DNAAF9: variants seen among roughly 807,000 people sequenced by gnomAD.
DNAAF9 encodes shulin.
A neutral mutation model predicts 167.0 loss-of-function variants in DNAAF9; 90 were observed. That is an observed-to-expected ratio of 0.54 (90% confidence interval 0.45 to 0.64). The LOEUF (loss-of-function observed/expected upper bound fraction) is 0.64. Among genes scored for constraint, DNAAF9 ranks in the 30% least tolerant of loss-of-function variants. DNAAF9 has a pLI of 0.00. For missense variants in DNAAF9, 1,315 were observed against 1,442.2 expected, an observed-to-expected ratio of 0.91 and a Z score of 1.43; for synonymous variants, 491 against 508.8, an observed-to-expected ratio of 0.96 and a Z score of 0.47.
chr20:3,316,494 C>CA (rs11087576), intron 18 of DNAAF9, among the ~76,000 whole-genome samples: 31,285 of 152,086 alleles, frequency 0.21, 3,516 homozygotes, highest in African/African-American at 0.28. Flanking sequence ...AACAGTGACC[C>CA]ACGTAACTTT....
intron 17 of DNAAF9, among the ~76,000 whole-genome samples, chr20:3,318,008 T>G (rs1047306211): frequency 1.3e-5 from 2 of 152,132 alleles, no homozygotes; most frequent in Non-Finnish European, 2.9e-5. Context: ...TTTTTTTTGC[T>G]CATTTTACTA....
At chr20:3,273,732 T>G (rs571717413) in intron 29 of DNAAF9, among the ~76,000 whole-genome samples, 7 of 152,176 alleles carry the variant, frequency 4.6e-5, no homozygotes, top group Admixed American at 4.6e-4. Flanking sequence ...AACATGAGAT[T>G]TGGAGGGGAC....
intron 7 of DNAAF9, among the ~76,000 whole-genome samples, chr20:3,349,305 C>T (rs1463728823): frequency 6.6e-6 from 1 of 151,756 alleles, no homozygotes; most frequent in Non-Finnish European, 1.5e-5. Context: ...TTGCTTGAGC[C>T]CAAGAGGTCC....
At chr20:3,393,019 T>C (rs2083847202) in intron 1 of DNAAF9, among the ~76,000 whole-genome samples, 1 of 152,178 alleles carries the variant, frequency 6.6e-6, no homozygotes, top group East Asian at 1.9e-4. Context: ...AACAATAAAA[T>C]ATGTCACTGC....
rs760774264 is a variant in DNAAF9, at chr20:3,362,084, AG to A, written c.613-2492del. The A allele has an allele frequency of 2.3e-5, 33 of 1,406,272 alleles. 2 individuals are homozygous for A. In the South Asian group the frequency reaches 3.8e-4, roughly 16 times the overall value. 87.1% of individuals were successfully genotyped at this position (1,406,272 alleles called of 1,614,324 possible). ...TAATTTTTTGTTACAAATATTACAAAGGGGGGTGCTTCTGAGTATTTAGGTC... is the reference window on the plus strand; with the variant it reads ...TAATTTTTTGTTACAAATATTACAAAGGGGGTGCTTCTGAGTATTTAGGTC... On this transcript the variant is annotated intron_variant, in intron 6 of 36. Transcript: ENST00000252032.
intron 21 of DNAAF9, among the ~76,000 whole-genome samples, chr20:3,300,067 TA>T (rs2069156933): frequency 6.6e-6 from 1 of 152,158 alleles, no homozygotes. Context: ...CACACTTGCC[TA>T]ATTTTTGTAT....
At chr20:3,310,029 C>T (rs966175777) in intron 20 of DNAAF9, among the ~76,000 whole-genome samples, 2 of 151,930 alleles carry the variant, frequency 1.3e-5, no homozygotes, top group African/African-American at 4.8e-5. Context: ...CCTACCTCTA[C>T]TAAAAACACA....
intron 31 of DNAAF9, among the ~76,000 whole-genome samples, chr20:3,263,573 C>T (rs1232507803): frequency 1.3e-5 from 2 of 152,216 alleles, no homozygotes; most frequent in Non-Finnish European, 2.9e-5. Flanking sequence ...AAGTCATTAA[C>T]TCTTTGCTGC....
intron 21 of DNAAF9, among the ~76,000 whole-genome samples, chr20:3,303,794 C>G (rs1423048284): frequency 6.6e-6 from 1 of 152,226 alleles, no homozygotes; most frequent in Non-Finnish European, 1.5e-5. Flanking sequence ...TGTGCCTTGG[C>G]CACAGGGTAA....
chr20:3,278,446 C>T (rs1179237370), intron 29 of DNAAF9, among the ~76,000 whole-genome samples: 2 of 152,114 alleles, frequency 1.3e-5, no homozygotes, highest in African/African-American at 2.4e-5. Context: ...TCAGGCCAGG[C>T]GCCGTGGCTC....
intron 8 of DNAAF9, among the ~76,000 whole-genome samples, chr20:3,344,034 A>G (rs1314727921): frequency 6.6e-6 from 1 of 152,222 alleles, no homozygotes; most frequent in Non-Finnish European, 1.5e-5. Flanking sequence ...TGCAAAAAGG[A>G]AAATAAAGAA....
intron 3 of DNAAF9, among the ~76,000 whole-genome samples, chr20:3,380,826 A>C (rs554411243): frequency 1.3e-5 from 2 of 152,380 alleles, no homozygotes; most frequent in South Asian, 2.1e-4. Flanking sequence ...CAGCAGCATC[A>C]ACACAGGCAG....
chr20:3,269,719 C>T (rs915023931), intron 30 of DNAAF9, among the ~76,000 whole-genome samples: 1 of 152,068 alleles, frequency 6.6e-6, no homozygotes, highest in African/African-American at 2.4e-5. Context: ...CTTTGGGAGG[C>T]CGAGGCAGGC....
intron 6 of DNAAF9, among the ~76,000 whole-genome samples, chr20:3,368,619 T>G (rs1370884335): frequency 1.3e-5 from 2 of 151,434 alleles, no homozygotes. Flanking sequence ...TTCACGCCAT[T>G]CTCCTGCCTC....
intron 22 of DNAAF9, among the ~76,000 whole-genome samples, chr20:3,297,640 C>A (rs1201328733): frequency 6.6e-6 from 1 of 152,142 alleles, no homozygotes; most frequent in African/African-American, 2.4e-5. Context: ...TGCAGCCTGC[C>A]AGGTGGTACC....
chr20:3,361,218 G>C (rs1437706957), intron 6 of DNAAF9, among the ~76,000 whole-genome samples: 1 of 152,206 alleles, frequency 6.6e-6, no homozygotes, highest in Non-Finnish European at 1.5e-5. Context: ...GTGGGGGAGA[G>C]AAGATATGGG....
intron 28 of DNAAF9, among the ~76,000 whole-genome samples, chr20:3,280,644 G>A (rs1038552977): frequency 2.6e-5 from 4 of 151,448 alleles, no homozygotes; most frequent in Non-Finnish European, 5.9e-5. Flanking sequence ...TTGAGATAGC[G>A]TCTCACTGTT....
Position 3,290,196 on chromosome 20 carries a change from C to A in DNAAF9, c.2260G>T (p.Gly754Cys). ...SDKVIISIVTGLPGCHASELC... is the reference protein window; with the variant it reads ...SDKVIISIVTCLPGCHASELC... ...TCGCTAGCGTGACAGCCTGGGAGGC[C>A]GGTTACAATGCTGATAATTACCTAC... Residue 754 changes from glycine (G) to cysteine (C), a missense_variant, in exon 26 of 37, where the codon GGC becomes TGC. Physicochemically the swap from Gly to Cys is radical, Grantham distance 159. Around this residue, in one of 2 missense-constraint regions of DNAAF9, gnomAD observed 981 missense variants for 1,012.5 expected, o/e 0.97. Transcript: ENST00000252032. 6.2e-7 allele frequency: 1 copy of A among 1,610,990 alleles called. No homozygotes were observed. The highest frequency in any genetic ancestry group is 1.1e-5 in the South Asian group (1 of 91,008).
chr20:3,351,397 T>A (rs2070320320), intron 7 of DNAAF9, among the ~76,000 whole-genome samples: 1 of 151,620 alleles, frequency 6.6e-6, no homozygotes, highest in African/African-American at 2.4e-5. Context: ...GGCAGGAGAA[T>A]CACTTGAACC....
Sources: allele counts gnomAD v4.1 joint callset (sites outside exome capture counted in the v4.1 genomes callset), GRCh38; gene constraint gnomAD v4.1.1; regional missense constraint gnomAD v4.1.1; transcripts MANE v1.5; gene names NCBI Gene and HGNC (gene_info 2026-07-23, HGNC 2026-07-21).